The following ZNF273 variants were observed in gnomAD, a reference collection of about 807,000 sequenced individuals.
ZNF273 encodes zinc finger protein 273, also known as zinc finger protein 9.
In ZNF273, 11 loss-of-function variants were observed where a neutral mutation model predicts 14.9. That is an observed-to-expected ratio of 0.74 (90% CI 0.46 to 1.22). ZNF273 has a LOEUF of 1.22. ZNF273 is among the 50% of genes most tolerant of loss of function. The pLI, the probability that ZNF273 is intolerant of heterozygous loss-of-function variation, is 0.00. For missense variants in ZNF273, 577 were observed against 660.6 expected, an observed-to-expected ratio of 0.87 and a Z score of 1.39; for synonymous variants, 199 against 223.9, an observed-to-expected ratio of 0.89 and a Z score of 0.99.
At chr7:64,922,973 AAAAAAAAG>A (rs1397534673) in intron 3 of ZNF273, among the ~76,000 whole-genome samples, 1 of 151,692 alleles carries the variant, frequency 6.6e-6, no homozygotes, top group Non-Finnish European at 1.5e-5. Context: ...CTCAAAATTA[AAAAAAAAG>A]AAAAAAAGAA....
At chr7:64,912,826 G>GTTTTTTGTTGTTGTTGTTGTTTTT in intron 1 of ZNF273, among the ~76,000 whole-genome samples, 2 of 36,576 alleles carry the variant, frequency 5.5e-5, no homozygotes, top group African/African-American at 1.6e-4. Flanking sequence ...ATTCATTTTA[G>GTTTTTTGTTGTTGTTGTTGTTTTT]TTTTTTTTTT....
intron 3 of ZNF273, chr7:64,924,248 G>A (rs547387055): frequency 6.6e-6 from 1 of 152,186 alleles, no homozygotes; most frequent in South Asian, 2.1e-4. Context: ...CTTATTTGGT[G>A]GTCTGTCAAG....
downstream of ZNF273, chr7:64,889,623 G>A (rs771637702): frequency 2.0e-6 from 2 of 986,082 alleles, no homozygotes; most frequent in Non-Finnish European, 2.4e-6. The surrounding 1 kb of genome is among the most constrained non-coding windows in gnomAD (Gnocchi z 4.2). Flanking sequence ...GGAAAGCAGC[G>A]GGGCTGCTGC....
chr7:64,926,386 C>T (rs1184909197), intron 3 of ZNF273, among the ~76,000 whole-genome samples: 1 of 151,966 alleles, frequency 6.6e-6, no homozygotes, highest in Non-Finnish European at 1.5e-5. Flanking sequence ...TTCATTTTTA[C>T]ATCAGATTTT....
chr7:64,928,187 G>C lies in ZNF273; in HGVS notation c.859G>C (p.Glu287Gln), dbSNP rs760430047. ...TAAACATAAAAAAATTCATACTGAA[G>C]AGAAACCTTACAAATGTGAAGATTG... Reference protein sequence around the residue: ...LTKHKKIHTEEKPYKCEDCGK... With the variant: ...LTKHKKIHTEQKPYKCEDCGK... The change falls in exon 4 of 4, where the codon GAG becomes CAG. Residue 287 changes from glutamate (E) to glutamine (Q), a missense_variant. Physicochemically the swap from Glu to Gln is conservative, Grantham distance 29. This residue lies in a region of ZNF273 where 411 missense variants were observed against 440.4 expected (regional missense o/e 0.93). Coordinates refer to ENST00000476120, the MANE Select transcript of ZNF273 (RefSeq NM_021148.3). 27 of 1,613,296 alleles carry C rather than the reference G, an allele frequency of 1.7e-5. No individual in the cohort carries two copies. Among genetic ancestry groups the C allele is most frequent in the Non-Finnish European group, 2.3e-5 (27 of 1,179,776 alleles).
Position 64,903,327 on chromosome 7 carries a change from G to C in ZNF273, c.10G>C (p.Ala4Pro). 6.2e-7 allele frequency: 1 copy of C among 1,612,492 alleles called. No homozygotes were observed. The highest frequency in any genetic ancestry group is 8.5e-7 in the Non-Finnish European group (1 of 1,178,864). MSSAPRGPPSVAPL... is the reference protein window; with the variant it reads MSSPPRGPPSVAPL... ...TCGTCTTCACTGCTCTATGTCCTCT[G>C]CTCCTAGAGGTCCACCTTCTGTGGC... Residue 4 changes from alanine (A) to proline (P), a missense_variant, in exon 1 of 4, where the codon GCT (alanine) becomes CCT (proline). Transcript: ENST00000476120.
At chr7:64,902,228 C>A (rs114415327), upstream of ZNF273, among the ~76,000 whole-genome samples, 325 of 150,554 alleles carry the variant, frequency 2.2e-3, no homozygotes, top group African/African-American at 7.4e-3. Context: ...AGTTTGGCTA[C>A]TAGAATATTT....
chr7:64,891,933 G>C (rs1441366026), downstream of ZNF273, among the ~76,000 whole-genome samples: 1 of 152,212 alleles, frequency 6.6e-6, no homozygotes, highest in Non-Finnish European at 1.5e-5. Context: ...CTGCCTCCAA[G>C]CTGCCTGTGC....
the ZNF273 span, among the ~76,000 whole-genome samples, chr7:64,937,049 T>C: frequency 6.6e-6 from 1 of 152,386 alleles, no homozygotes; most frequent in East Asian, 1.9e-4. Context: ...TTTTTGGCTA[T>C]ACATTTGCTA....
chr7:64,937,033 A>C, the ZNF273 span, among the ~76,000 whole-genome samples: 1 of 152,238 alleles, frequency 6.6e-6, no homozygotes, highest in Non-Finnish European at 1.5e-5. Flanking sequence ...TTCAAATGAT[A>C]TTACTTTTTT....
At chr7:64,924,514 TAC>T (rs34595818) in intron 3 of ZNF273, 86,746 of 151,106 alleles carry the variant, frequency 0.57, 25,055 homozygotes, top group East Asian at 0.7. Context: ...CACTCACACA[TAC>T]ACACACACAC....
intron 3 of ZNF273, among the ~76,000 whole-genome samples, chr7:64,896,042 A>T (rs957301123): frequency 6.6e-6 from 1 of 150,722 alleles, no homozygotes; most frequent in Non-Finnish European, 1.5e-5. Flanking sequence ...ACGGAGTCTC[A>T]CTCTGTCACC....
rs539618430 is a variant in ZNF273 at position 64,919,792 on chromosome 7, A to C, written c.325+1500A>C. The stretch of plus-strand genomic sequence containing the variant: ...AATTTTATATTTTGCTGATATACTC[A>C]GTGTATTTATTAAACAGGTTTTCAT... On this transcript the variant is annotated intron_variant, in intron 3 of 3. Coordinates refer to ENST00000476120, the MANE Select transcript of ZNF273 (RefSeq NM_021148.3). 9.9e-5 allele frequency among the ~76,000 whole-genome samples: 15 copies of C among 152,236 alleles called. No homozygotes were observed. The East Asian group carries it at 2.7e-3, about 27-fold the overall frequency.
At chr7:64,931,512 T>G (rs1215123519), downstream of ZNF273, among the ~76,000 whole-genome samples, 3 of 152,214 alleles carry the variant, frequency 2.0e-5, no homozygotes, top group East Asian at 5.8e-4. Context: ...ATTTTACTAT[T>G]AGTCTATTAA....
At chr7:64,895,569 C>T (rs748428366) in intron 3 of ZNF273, among the ~76,000 whole-genome samples, 45 of 152,122 alleles carry the variant, frequency 3.0e-4, no homozygotes, top group Middle Eastern at 6.8e-3. Flanking sequence ...ACATTTCAAA[C>T]GAAACCACAG....
At chr7:64,898,809 A>G (rs1221558416), upstream of ZNF273, among the ~76,000 whole-genome samples, 1 of 152,246 alleles carries the variant, frequency 6.6e-6, no homozygotes. Context: ...AATGCTGTCC[A>G]CATGCACCTT....
rs1453413347 is a variant in ZNF273 at position 64,928,039 on chromosome 7, G to GA, written c.712dup (p.Thr238AsnfsTer7). 1 of 1,608,658 alleles carries GA rather than the reference G, an allele frequency of 6.2e-7. No individual in the cohort carries two copies. Among genetic ancestry groups the GA allele is most frequent in the Admixed American group, 1.7e-5 (1 of 59,354 alleles). On this transcript the variant is annotated frameshift_variant, in exon 4 of 4. Transcript: ENST00000476120. LOFTEE classifies it low-confidence loss of function (END_TRUNC). ...CTAGAGTGAATTTCTACAAATGTAA[G>GA]ACATGTGGAAAAGCCTTTAACCAGT...
downstream of ZNF273, among the ~76,000 whole-genome samples, chr7:64,881,373 C>G (rs930911931): frequency 1.3e-5 from 2 of 152,212 alleles, no homozygotes; most frequent in Admixed American, 1.3e-4. Flanking sequence ...GGAGGACGAC[C>G]CTCATGGGGA....
At chr7:64,914,746 C>T (rs758120891) in intron 1 of ZNF273, among the ~76,000 whole-genome samples, 5 of 151,994 alleles carry the variant, frequency 3.3e-5, no homozygotes, top group Non-Finnish European at 5.9e-5. Context: ...CAGAAACGGG[C>T]GGGCTTTATC....
Sources: gnomAD v4.1 joint callset for allele counts (sites outside exome capture counted in the v4.1 genomes callset) on GRCh38, gnomAD v4.1.1 for gene constraint, gnomAD v4.1.1 regional missense constraint, Gnocchi (gnomAD v3.1) non-coding constraint, MANE v1.5 for transcripts, NCBI Gene and HGNC (gene_info 2026-07-23, HGNC 2026-07-21) for gene names.